Variants in DNM3 observed in about 807,000 individuals in gnomAD.
DNM3 encodes the protein dynamin-3.
Under a neutral mutation model 101.6 loss-of-function variants are expected in DNM3, and 47 were observed. That is an observed-to-expected ratio of 0.46 (90% CI 0.37 to 0.59). DNM3 has a LOEUF of 0.59. Ranked by LOEUF, DNM3 falls within the 20% of genes least tolerant of loss-of-function variation. The pLI is 0.00. For synonymous variants in DNM3, 385 were observed against 387.9 expected, an observed-to-expected ratio of 0.99 and a Z score of 0.09; for missense variants, 849 against 1,085.7, an observed-to-expected ratio of 0.78 and a Z score of 3.06.
chr1:171,990,730 A>G (rs1046619755), intron 4 of DNM3, among the ~76,000 whole-genome samples: 21 of 152,096 alleles, frequency 1.4e-4, no homozygotes, highest in African/African-American at 5.1e-4. Flanking sequence ...ATACCCTAGC[A>G]TTGGTTCTCC....
At chr1:172,158,013 A>G (rs1239608469) in intron 14 of DNM3, among the ~76,000 whole-genome samples, 2 of 152,070 alleles carry the variant, frequency 1.3e-5, no homozygotes, top group Non-Finnish European at 2.9e-5. Context: ...TCCTGCCTGC[A>G]TGATAATAAA....
chr1:172,072,886 A>T (rs186697780), intron 11 of DNM3, among the ~76,000 whole-genome samples: 1 of 152,296 alleles, frequency 6.6e-6, no homozygotes, highest in East Asian at 1.9e-4. Context: ...GACTTGTCTC[A>T]AAAAACAACA....
chr1:172,006,994 A>G (rs958213743), intron 4 of DNM3, among the ~76,000 whole-genome samples: 15 of 152,126 alleles, frequency 9.9e-5, no homozygotes, highest in African/African-American at 3.6e-4. Flanking sequence ...TCAGTAGTTC[A>G]TTTTTTTAAA....
At chr1:172,174,146 A>G (rs1052299626) in intron 14 of DNM3, among the ~76,000 whole-genome samples, 2 of 151,706 alleles carry the variant, frequency 1.3e-5, no homozygotes, top group Non-Finnish European at 3.0e-5. Flanking sequence ...TTTATAAAAT[A>G]TACACTCTGC....
At chr1:172,087,255 C>T (rs534301790) in intron 12 of DNM3, among the ~76,000 whole-genome samples, 1 of 152,190 alleles carries the variant, frequency 6.6e-6, no homozygotes, top group Non-Finnish European at 1.5e-5. Flanking sequence ...TCTTTAGGAG[C>T]TCTTCATCTT....
chr1:171,952,150 G>A (rs1558317244), intron 2 of DNM3, among the ~76,000 whole-genome samples: 1 of 152,130 alleles, frequency 6.6e-6, no homozygotes, highest in Non-Finnish European at 1.5e-5. Flanking sequence ...GAGAAGAGAT[G>A]GCAGATGTCT....
At chr1:172,147,902 T>C (rs1311084568) in intron 14 of DNM3, among the ~76,000 whole-genome samples, 2 of 152,130 alleles carry the variant, frequency 1.3e-5, no homozygotes, top group Middle Eastern at 3.2e-3. Flanking sequence ...TCAATGGTCA[T>C]TTTACAGCTT....
At chr1:171,984,309 C>T (rs1486713424) in intron 2 of DNM3, among the ~76,000 whole-genome samples, 4 of 152,178 alleles carry the variant, frequency 2.6e-5, no homozygotes, top group Non-Finnish European at 4.4e-5. Context: ...TGCCATCTCA[C>T]TCAGCGAAAA....
chr1:172,233,375 C>A (rs2061413256), intron 14 of DNM3, among the ~76,000 whole-genome samples: 1 of 152,054 alleles, frequency 6.6e-6, no homozygotes, highest in Non-Finnish European at 1.5e-5. Context: ...CAATAACAGG[C>A]TCTGAAATTG....
In DNM3 at chr1:172,234,811, A is replaced by G. The variant is rs540032862; in HGVS notation, c.1660-18762A>G. 4.0e-4 allele frequency among the ~76,000 whole-genome samples: 61 copies of G among 152,318 alleles called. No individual in the cohort carries two copies. The East Asian group carries it at 0.011, about 28-fold the overall frequency. On this transcript the variant is annotated intron_variant, in intron 14 of 20. Coordinates refer to ENST00000627582, the MANE Select transcript of DNM3 (RefSeq NM_015569.5). Reference sequence around the variant, plus strand: ...TGGCTAGCCATATGTAGAAAGCTGAAACTGGATCCCTTCCTTACACCTTAT... The same window carrying G: ...TGGCTAGCCATATGTAGAAAGCTGAGACTGGATCCCTTCCTTACACCTTAT...
intron 4 of DNM3, among the ~76,000 whole-genome samples, chr1:171,993,174 GTTAAC>G (rs2045750524): frequency 6.6e-6 from 1 of 152,064 alleles, no homozygotes; most frequent in African/African-American, 2.4e-5. Flanking sequence ...TAACTATGTA[GTTAAC>G]TTTACTGGTG....
At chr1:172,264,390 A>G (rs1321723510) in intron 15 of DNM3, among the ~76,000 whole-genome samples, 1 of 152,216 alleles carries the variant, frequency 6.6e-6, no homozygotes, top group African/African-American at 2.4e-5. Flanking sequence ...TATGCTTAGC[A>G]TGATTCTATC....
chr1:172,164,424 G>T (rs2058675374), intron 14 of DNM3, among the ~76,000 whole-genome samples: 1 of 151,438 alleles, frequency 6.6e-6, no homozygotes, highest in African/African-American at 2.4e-5. Flanking sequence ...TGCAATAATG[G>T]CAAAGAAAAG....
At chr1:172,290,269 T>G (rs2148815236) in intron 15 of DNM3, among the ~76,000 whole-genome samples, 1 of 152,174 alleles carries the variant, frequency 6.6e-6, no homozygotes, top group Middle Eastern at 3.4e-3. Flanking sequence ...AACGGAATAA[T>G]GAAAAGAGTA....
chr1:171,858,874 C>A (rs1321264298), intron 1 of DNM3, among the ~76,000 whole-genome samples: 2 of 152,160 alleles, frequency 1.3e-5, no homozygotes, highest in African/African-American at 4.8e-5. Context: ...ATCATCTGTG[C>A]TTAATTCCTA....
At chr1:172,046,762 G>A (rs2049845521) in intron 9 of DNM3, among the ~76,000 whole-genome samples, 1 of 152,118 alleles carries the variant, frequency 6.6e-6, no homozygotes, top group Admixed American at 6.5e-5. Context: ...TACATTTGGT[G>A]TAGAAACTGT....
chr1:172,131,469 G>C lies in DNM3; in HGVS notation c.1659+181G>C, dbSNP rs116361562. Among the ~76,000 whole-genome samples the C allele has an allele frequency of 5.2e-3, 791 of 152,118 alleles. 10 individuals are homozygous for C. The highest frequency in any genetic ancestry group is 0.018 in the African/African-American group (748 of 41,500). The stretch of plus-strand genomic sequence containing the variant: ...ATAGATTTTAAAGTTTACAATATTC[G>C]CCCAAATTTCTTTTTCTTTTTGTTT... On this transcript the variant is annotated intron_variant, in intron 14 of 20. Transcript: ENST00000627582.
At chr1:172,138,453 A>T (rs2057382497) in intron 14 of DNM3, 1 of 151,946 alleles carries the variant, frequency 6.6e-6, no homozygotes, top group African/African-American at 2.4e-5. Context: ...CATCAGACTG[A>T]AGTTATATTG....
chr1:172,398,366 G>C (rs1255468688), intron 20 of DNM3, among the ~76,000 whole-genome samples: 1 of 152,144 alleles, frequency 6.6e-6, no homozygotes, highest in Non-Finnish European at 1.5e-5. Flanking sequence ...GTAATAATCA[G>C]AAGAAAATGT....
Sources: allele counts gnomAD v4.1 joint callset (sites outside exome capture counted in the v4.1 genomes callset), GRCh38; gene constraint gnomAD v4.1.1; transcripts MANE v1.5; gene names NCBI Gene and HGNC (gene_info 2026-07-23, HGNC 2026-07-21).